The following BUB1B variants were observed in gnomAD, a reference collection of about 807,000 sequenced individuals.
BUB1B encodes mitotic checkpoint serine/threonine-protein kinase BUB1 beta.
In BUB1B, 86 loss-of-function variants were observed where a neutral mutation model predicts 137.7. The ratio of observed to expected loss-of-function variants is 0.62; its 90% confidence interval spans 0.52 to 0.75. BUB1B has a LOEUF of 0.75. Among genes scored for constraint, BUB1B ranks in the 30% least tolerant of loss-of-function variants. BUB1B has a pLI of 0.00. For synonymous variants in BUB1B, 420 were observed against 417.9 expected, an observed-to-expected ratio of 1.00 and a Z score of -0.06; for missense variants, 1,130 against 1,236.9, an observed-to-expected ratio of 0.91 and a Z score of 1.30.
chr15:40,215,300 C>A (rs557094692), intron 20 of BUB1B, among the ~76,000 whole-genome samples: 1 of 151,450 alleles, frequency 6.6e-6, no homozygotes, highest in South Asian at 2.1e-4. Context: ...ATGGAGAAAC[C>A]CCATCCTACT....
chr15:40,212,682 G>A (rs774290529), intron 19 of BUB1B, 34 bp downstream of exon 19: 7 of 1,593,690 alleles, frequency 4.4e-6, no homozygotes, highest in Non-Finnish European at 5.1e-6. Context: ...TTAAAGTCCT[G>A]AAGTAGAGAG....
At chr15:40,164,960 A>G (rs2037078212) in intron 1 of BUB1B, 93 bp from the exon 2 acceptor site, 5 of 1,501,444 alleles carry the variant, frequency 3.3e-6, no homozygotes, top group African/African-American at 2.8e-5. Context: ...ACCCAAGACC[A>G]TGAATAATCA....
At chr15:40,173,141 C>T (rs189792875) in intron 4 of BUB1B, among the ~76,000 whole-genome samples, 375 of 151,724 alleles carry the variant, frequency 2.5e-3, no homozygotes, top group Non-Finnish European at 4.5e-3. Context: ...AAAAATTAGC[C>T]GCACGTGGTG....
At chr15:40,180,616 G>T (rs767073171) in intron 5 of BUB1B, among the ~76,000 whole-genome samples, 28 of 147,054 alleles carry the variant, frequency 1.9e-4, no homozygotes, top group Non-Finnish European at 3.6e-4. Flanking sequence ...CTGTCTTCTG[G>T]CCTCCTTGGT....
chr15:40,180,630 T>TTTTTTCTTTTTCTTTTTC (rs1566818817), intron 5 of BUB1B, among the ~76,000 whole-genome samples: 2 of 143,442 alleles, frequency 1.4e-5, no homozygotes, highest in African/African-American at 5.2e-5. Context: ...CCTTGGTTTC[T>TTTTTTCTTTTTCTTTTTC]TTTTTCTTTT....
intron 21 of BUB1B, among the ~76,000 whole-genome samples, 154 bp from the exon 22 acceptor site, chr15:40,218,302 C>T (rs1165043800): frequency 6.6e-6 from 1 of 152,196 alleles, no homozygotes; most frequent in Non-Finnish European, 1.5e-5. Flanking sequence ...AGAGCTTCTC[C>T]CTTTACTGTA....
At chr15:40,193,656 C>T (rs1208793241) in intron 8 of BUB1B, among the ~76,000 whole-genome samples, 1 of 151,508 alleles carries the variant, frequency 6.6e-6, no homozygotes, top group Non-Finnish European at 1.5e-5. Context: ...TGCTTGTAAT[C>T]CCAGTACTTT....
At chr15:40,220,380 T>C (rs2037881728) in intron 22 of BUB1B, among the ~76,000 whole-genome samples, 184 bp from the exon 23 acceptor site, 1 of 152,230 alleles carries the variant, frequency 6.6e-6, no homozygotes, top group South Asian at 2.1e-4. Context: ...TTTCCCACTA[T>C]GGTAGCCCTT....
chr15:40,185,528 T>G (rs1300736025), intron 7 of BUB1B, 23 bp from the exon 8 acceptor site: 1 of 1,608,764 alleles, frequency 6.2e-7, no homozygotes, highest in South Asian at 1.1e-5. Context: ...TATGGTAATT[T>G]TAGTTTTCTT....
chr15:40,167,047 A>G (rs934395302), intron 2 of BUB1B, among the ~76,000 whole-genome samples: 1 of 152,026 alleles, frequency 6.6e-6, no homozygotes, highest in African/African-American at 2.4e-5. Context: ...TTTCAGGAGC[A>G]TAGATTCAAG....
intron 6 of BUB1B, among the ~76,000 whole-genome samples, chr15:40,184,619 A>C (rs1195459883): frequency 1.3e-5 from 2 of 152,158 alleles, no homozygotes; most frequent in Non-Finnish European, 2.9e-5. Flanking sequence ...TCCTGGTATC[A>C]ATTTATCAAT....
At chr15:40,192,419 A>G (rs1233317406) in intron 8 of BUB1B, among the ~76,000 whole-genome samples, 1 of 152,190 alleles carries the variant, frequency 6.6e-6, no homozygotes, top group Non-Finnish European at 1.5e-5. Flanking sequence ...CTTTGTTTAC[A>G]TTAGGATTCA....
At chr15:40,173,052 TATC>T (rs1283825054) in intron 4 of BUB1B, among the ~76,000 whole-genome samples, 1 of 152,060 alleles carries the variant, frequency 6.6e-6, no homozygotes, top group African/African-American at 2.4e-5. Flanking sequence ...AAGGTAAGTG[TATC>T]ATCTGAGGTT....
rs570827246 is a variant in BUB1B, at chr15:40,182,330, C to T, written c.582-1384C>T. Among the ~76,000 whole-genome samples, 3 of 152,288 alleles carry T rather than the reference C, an allele frequency of 2.0e-5. No homozygotes were observed. In the South Asian group the frequency reaches 6.2e-4, roughly 32 times the overall value. On this transcript the variant is annotated intron_variant, in intron 5 of 22. Transcript: ENST00000287598. ...CTAGTTCTTTGTGTGTCAAGTAATTCTTGTACCCTGGACATTTATCCTGAC... is the reference window on the plus strand; with the variant it reads ...CTAGTTCTTTGTGTGTCAAGTAATTTTTGTACCCTGGACATTTATCCTGAC...
intron 8 of BUB1B, among the ~76,000 whole-genome samples, chr15:40,189,189 TTGCTC>T (rs1340156404): frequency 6.6e-6 from 1 of 152,186 alleles, no homozygotes; most frequent in East Asian, 1.9e-4. Context: ...AGACAGAGTC[TTGCTC>T]TGTCGCCCAG....
intron 8 of BUB1B, among the ~76,000 whole-genome samples, chr15:40,187,858 C>T (rs2037387096): frequency 6.6e-6 from 1 of 152,112 alleles, no homozygotes; most frequent in Non-Finnish European, 1.5e-5. Flanking sequence ...GCTGTGACTG[C>T]ACCACTGCAC....
intron 14 of BUB1B, among the ~76,000 whole-genome samples, chr15:40,205,145 C>T (rs2037622369): frequency 1.3e-5 from 2 of 152,038 alleles, no homozygotes; most frequent in African/African-American, 4.8e-5. Context: ...CGGGGTTTTG[C>T]CATGTTGGCC....
intron 5 of BUB1B, among the ~76,000 whole-genome samples, chr15:40,180,776 A>T (rs1331168927): frequency 6.8e-6 from 1 of 147,766 alleles, no homozygotes; most frequent in East Asian, 2.0e-4. Flanking sequence ...CAGCCTCCCG[A>T]GTAGCTGGGA....
At chr15:40,170,001 A>G in intron 2 of BUB1B, 61 bp from the exon 3 acceptor site, 1 of 1,292,746 alleles carries the variant, frequency 7.7e-7, no homozygotes. Context: ...AATGGAAGTG[A>G]TACTTGTTCA....
Sources: gnomAD v4.1 joint callset for allele counts (sites outside exome capture counted in the v4.1 genomes callset) on GRCh38, gnomAD v4.1.1 for gene constraint, MANE v1.5 for transcripts, NCBI Gene and HGNC (gene_info 2026-07-23, HGNC 2026-07-21) for gene names.